GPR50: variants seen among roughly 807,000 people sequenced by gnomAD.
The protein encoded by GPR50 is G protein-coupled receptor 50.
GPR50 carries 1 observed loss-of-function variant against 2.6 expected under a neutral mutation model. The ratio of observed to expected loss-of-function variants is 0.38; its 90% CI spans 0.13 to 1.79. The LOEUF is 1.79. GPR50 is among the 40% of genes most tolerant of loss of function. The pLI is 0.33. For synonymous variants in GPR50, 233 were observed against 202.3 expected, an observed-to-expected ratio of 1.15 and a Z score of -1.29; for missense variants, 535 against 522.1, an observed-to-expected ratio of 1.02 and a Z score of -0.24.
In GPR50 at chrX:151,178,482, T is replaced by C. The variant is rs371271180; in HGVS notation, c.188-1289T>C. On this transcript the variant is annotated intron_variant, in intron 1 of 1. Coordinates refer to ENST00000218316, the MANE Select transcript of GPR50 (RefSeq NM_004224.3). ...TCTTTCTTTTTCTCCTTCTCCTTCC[T>C]TCCTTCTATAATTCAAATAAAGGCT... Among the ~76,000 whole-genome samples, 10 of 112,594 alleles carry C rather than the reference T, an allele frequency of 8.9e-5. No individual in the cohort carries two copies. The East Asian group carries it at 2.5e-3, about 28-fold the overall frequency.
Position 151,181,275 on chromosome X carries a change from C to A in GPR50, c.1692C>A (p.Ala564=), listed in dbSNP as rs1421435991. 8.3e-7 allele frequency: 1 copy of A among 1,209,377 alleles called. No homozygotes were observed. Among genetic ancestry groups the A allele is most frequent in the Non-Finnish European group, 1.1e-6 (1 of 894,927 alleles). The stretch of plus-strand genomic sequence containing the variant: ...ACGACAGTGACCTCCCTGAGTCGGC[C>A]TCTAGCCCTGCCGCTGGGCCCACCA... ...VSDDSDLPES[A]SSPAAGPTKP... is the part of the protein sequence containing the mutation. Residue 564 remains alanine (A), a synonymous_variant, in exon 2 of 2, where the codon GCC becomes GCA. Transcript: ENST00000218316.
rs769016022 is a variant in GPR50 at position 151,179,861 on chromosome X, G to C, written c.278G>C (p.Gly93Ala). The change falls in exon 2 of 2, where the codon GGC (glycine) becomes GCC (alanine). Residue 93 changes from glycine (G) to alanine (A), a missense_variant. Transcript: ENST00000218316. ...ATGCTGCATGCCATGTCCATTGGGG[G>C]CTGGGATCTGAGCCAGTTACAGTGC... ...PLMLHAMSIG[G>A]WDLSQLQCQM... is the part of the protein sequence containing the mutation. 2.5e-6 allele frequency: 3 copies of C among 1,207,812 alleles called. No homozygotes were observed. The highest frequency in any genetic ancestry group is 3.4e-6 in the Non-Finnish European group (3 of 893,787).
rs760473598 is a variant in GPR50 at position 151,176,923 on chromosome X, C to A, written c.187+15C>A. ...CCGGAATTCTGGTAAGCCACCCCTT[C>A]TTCTCCCTACCCAGTGTGCAGAGAC... On this transcript the variant is annotated intron_variant, in intron 1 of 1. Transcript: ENST00000218316. 13 of 1,152,493 alleles carry A rather than the reference C, an allele frequency of 1.1e-5. No individual in the cohort carries two copies. The East Asian group carries it at 1.5e-4, about 13-fold the overall frequency. The allele number at this position is 1,152,493 out of a possible 1,213,427, so 95.0% of individuals were successfully genotyped here. A position where few individuals can be genotyped will look rare whatever the true frequency, so the allele number is the denominator to read the frequency against.
Position 151,179,793 on chromosome X carries a change from C to G in GPR50, c.210C>G (p.Leu70=). The G allele has an allele frequency of 2.5e-6, 3 of 1,186,674 alleles. No homozygotes were observed. The highest frequency in any genetic ancestry group is 3.4e-6 in the Non-Finnish European group (3 of 879,441). ...CAGGCAACATCTTCGTGGTCAGTCTCTCTGTGGCCGATATGCTGGTGGCCA... is the reference window on the plus strand; with the variant it reads ...CAGGCAACATCTTCGTGGTCAGTCTGTCTGTGGCCGATATGCTGGTGGCCA... ...RNSGNIFVVS[L]SVADMLVAIY... The change falls in exon 2 of 2, where the codon CTC becomes CTG. Residue 70 remains leucine (L), a synonymous_variant. Coordinates refer to ENST00000218316, the MANE Select transcript of GPR50 (RefSeq NM_004224.3).
At chrX:151,177,059 A>G in intron 1 of GPR50, 151 bp downstream of exon 1, 1 of 450,432 alleles carries the variant, frequency 2.2e-6, no homozygotes, top group South Asian at 3.9e-5. Flanking sequence ...TGGGGGTGGT[A>G]GTATTCTGTC....
rs894548164 is a variant in GPR50, at chrX:151,176,829, T to G, written c.108T>G (p.Val36=). The G allele has an allele frequency of 4.2e-6, 5 of 1,199,997 alleles. No individual in the cohort carries two copies. Among genetic ancestry groups the G allele is most frequent in the Non-Finnish European group, 5.6e-6 (5 of 885,049 alleles). Residue 36 remains valine, a synonymous_variant, in exon 1 of 2, where the codon GTT becomes GTG. Coordinates refer to ENST00000218316, the MANE Select transcript of GPR50 (RefSeq NM_004224.3). Reference sequence around the variant, plus strand: ...TCATCTTTATGTTCTGCGCGATGGTTATCACCATCGTTGTAGACCTAATCG... The same window carrying G: ...TCATCTTTATGTTCTGCGCGATGGTGATCACCATCGTTGTAGACCTAATCG... ...ALIIFMFCAM[V]ITIVVDLIGN...
downstream of GPR50, among the ~76,000 whole-genome samples, chrX:151,182,188 A>G (rs2048718753): frequency 8.9e-6 from 1 of 112,122 alleles, no homozygotes. Flanking sequence ...TGCAAATGAT[A>G]AGACGTTTTT....
Position 151,176,790 on chromosome X carries a change from C to T in GPR50, c.69C>T (p.Tyr23=), listed in dbSNP as rs2124114611. The T allele has an allele frequency of 8.3e-7, 1 of 1,202,883 alleles. No individual in the cohort carries two copies. Among genetic ancestry groups the T allele is most frequent in the Non-Finnish European group, 1.1e-6 (1 of 888,361 alleles). Residue 23 remains tyrosine (Y), a synonymous_variant, in exon 1 of 2, where the codon TAC becomes TAT. Coordinates refer to ENST00000218316, the MANE Select transcript of GPR50 (RefSeq NM_004224.3). ...CIGCKLPQPE[Y]PPALIIFMFC... ...GCTGTAAGCTACCCCAGCCAGAATACCCACCGGCTCTAATCATCTTTATGT... is the reference window on the plus strand; with the variant it reads ...GCTGTAAGCTACCCCAGCCAGAATATCCACCGGCTCTAATCATCTTTATGT...
rs376836037 is a variant in GPR50, at chrX:151,180,520, C to A, written c.937C>A (p.Arg313=). 5 of 1,209,061 alleles carry A rather than the reference C, an allele frequency of 4.1e-6. No homozygotes were observed. The South Asian group carries it at 7.1e-5, about 17-fold the overall frequency. Residue 313 remains arginine (R), a synonymous_variant, in exon 2 of 2, where the codon CGG becomes AGG. Transcript: ENST00000218316. The part of the protein sequence containing the change: ...REYWTIFHAM[R]HPIIFFSGLI... Reference sequence around the variant, plus strand: ...ATACTGGACCATCTTCCATGCTATGCGGCACCCTATCATATTCTTCTCTGG... The same window carrying A: ...ATACTGGACCATCTTCCATGCTATGAGGCACCCTATCATATTCTTCTCTGG...
rs750977314 is a variant in GPR50 at position 151,181,432 on chromosome X, G to A, written c.1849G>A (p.Val617Met). The A allele has an allele frequency of 1.7e-6, 2 of 1,172,122 alleles. No individual in the cohort carries two copies. The highest frequency in any genetic ancestry group is 1.1e-6 in the Non-Finnish European group (1 of 873,889). The change falls in exon 2 of 2, where the codon GTG (valine) becomes ATG (methionine). Residue 617 changes from valine (V) to methionine (M), a missense_variant. Transcript: ENST00000218316. ...TGAAGATGATCCTGATGAAATGGCTGTGTGAAAAATGCTCTCGTAGGTGGC... is the reference window on the plus strand; with the variant it reads ...TGAAGATGATCCTGATGAAATGGCTATGTGAAAAATGCTCTCGTAGGTGGC... ...DVEDDPDEMA[V>M]
In GPR50 at chrX:151,180,304, G is replaced by C; in HGVS notation, c.721G>C (p.Val241Leu). The C allele has an allele frequency of 8.3e-7, 1 of 1,210,165 alleles. No individual in the cohort carries two copies. Among genetic ancestry groups the C allele is most frequent in the Non-Finnish European group, 1.1e-6 (1 of 895,221 alleles). The part of the protein sequence containing the change: ...AEVRNFLTMF[V>L]IFLLFAVCWC... ...GGTTCGCAATTTTCTAACCATGTTTGTGATCTTCCTCCTCTTTGCAGTGTG... is the reference window on the plus strand; with the variant it reads ...GGTTCGCAATTTTCTAACCATGTTTCTGATCTTCCTCCTCTTTGCAGTGTG... The change falls in exon 2 of 2, where the codon GTG becomes CTG. Residue 241 changes from valine (V) to leucine (L), a missense_variant. Val to Leu is a conservative substitution (Grantham distance 32). Transcript: ENST00000218316.
chrX:151,177,202 G>A (rs2048684733), intron 1 of GPR50, among the ~76,000 whole-genome samples: 1 of 112,779 alleles, frequency 8.9e-6, no homozygotes, highest in Non-Finnish European at 1.9e-5. Flanking sequence ...TGATGCGGAG[G>A]GAGCCGGCAC....
chrX:151,176,620 A>G lies in GPR50; in HGVS notation c.-102A>G. The G allele has an allele frequency of 5.8e-6, 3 of 518,637 alleles. No individual in the cohort carries two copies. Among genetic ancestry groups the G allele is most frequent in the Non-Finnish European group, 9.6e-6 (3 of 312,997 alleles). The allele number at this position is 518,637 out of a possible 1,213,427, so 42.7% of individuals were successfully genotyped here. ...CTCTCTGACTCTCAGAGAGGGAGGC[A>G]CGCTTTCCTGGAGCTCCTGGTGACA... On this transcript the variant is annotated 5_prime_UTR_variant, in exon 1 of 2. Transcript: ENST00000218316.
chrX:151,180,909 C>T lies in GPR50; in HGVS notation c.1326C>T (p.Ala442=), dbSNP rs2048709889. The T allele has an allele frequency of 8.3e-7, 1 of 1,211,114 alleles. No individual in the cohort carries two copies. Among genetic ancestry groups the T allele is most frequent in the Non-Finnish European group, 1.1e-6 (1 of 895,351 alleles). The change falls in exon 2 of 2, where the codon GCC becomes GCT. Residue 442 remains alanine (A), a synonymous_variant. Coordinates refer to ENST00000218316, the MANE Select transcript of GPR50 (RefSeq NM_004224.3). ...CTGCCACTGTCTACCCTAAGCCTGC[C>T]TCTGTCCATTTCAAGGCTGACTCTG... ...PKSATVYPKP[A]SVHFKADSVH... is the part of the protein sequence containing the mutation.
At position 151,176,904 on chromosome X, in the gene GPR50, T is replaced by C. The variant is rs1296309159; in HGVS notation, c.183T>C (p.Asn61=). 1 of 1,195,397 alleles carries C rather than the reference T, an allele frequency of 8.4e-7. No homozygotes were observed. Among genetic ancestry groups the C allele is most frequent in the East Asian group, 3.0e-5 (1 of 33,554 alleles). The change falls in exon 1 of 2, where the codon AAT becomes AAC. Residue 61 remains asparagine (N), a synonymous_variant. Transcript: ENST00000218316. ...LAVTKNKKLR[N]SGNIFVVSLS... is the part of the protein sequence containing the mutation. ...TGACGAAGAACAAGAAGCTCCGGAATTCTGGTAAGCCACCCCTTCTTCTCC... is the reference window on the plus strand; with the variant it reads ...TGACGAAGAACAAGAAGCTCCGGAACTCTGGTAAGCCACCCCTTCTTCTCC...
At position 151,181,264 on chromosome X, in the gene GPR50, C is replaced by A. The variant is rs2048713277; in HGVS notation, c.1681C>A (p.Pro561Thr). The change falls in exon 2 of 2, where the codon CCT becomes ACT. Residue 561 changes from proline (P) to threonine (T), a missense_variant. Transcript: ENST00000218316. Reference sequence around the variant, plus strand: ...CCCTGTGTCTGACGACAGTGACCTCCCTGAGTCGGCCTCTAGCCCTGCCGC... The same window carrying A: ...CCCTGTGTCTGACGACAGTGACCTCACTGAGTCGGCCTCTAGCCCTGCCGC... ...AHPVSDDSDL[P>T]ESASSPAAGP... 2 of 1,210,908 alleles carry A rather than the reference C, an allele frequency of 1.7e-6. No individual in the cohort carries two copies. The highest frequency in any genetic ancestry group is 4.3e-5 in the Admixed American group (2 of 46,058).
chrX:151,180,465 C>T lies in GPR50; in HGVS notation c.882C>T (p.Tyr294=), dbSNP rs758407918. The T allele has an allele frequency of 2.8e-5, 34 of 1,208,672 alleles. No homozygotes were observed. Among genetic ancestry groups the T allele is most frequent in the Middle Eastern group, 2.3e-4 (1 of 4,352 alleles). ...YFNSCLNAVI[Y]GLLNENFRRE... The stretch of plus-strand genomic sequence containing the variant: ...ACAGCTGCCTCAACGCTGTGATCTA[C>T]GGGCTCCTCAATGAGAATTTCCGAA... The change falls in exon 2 of 2, where the codon TAC becomes TAT. Residue 294 remains tyrosine, a synonymous_variant. Coordinates refer to ENST00000218316, the MANE Select transcript of GPR50 (RefSeq NM_004224.3).
intron 1 of GPR50, among the ~76,000 whole-genome samples, 175 bp downstream of exon 1, chrX:151,177,083 C>A (rs757430352): frequency 6.7e-4 from 75 of 112,355 alleles, no homozygotes; most frequent in African/African-American, 2.2e-3. Flanking sequence ...GCCCTCTAAA[C>A]GTGGAGGTTC....
In GPR50 at chrX:151,180,634, C is replaced by T. The variant is rs374706343; in HGVS notation, c.1051C>T (p.Arg351Cys). ...HARDQAREQD[R>C]AHACPAVEET... Reference sequence around the variant, plus strand: ...TCGCGACCAAGCTCGTGAACAAGACCGTGCCCATGCCTGTCCTGCTGTGGA... The same window carrying T: ...TCGCGACCAAGCTCGTGAACAAGACTGTGCCCATGCCTGTCCTGCTGTGGA... The change falls in exon 2 of 2, where the codon CGT becomes TGT. Residue 351 changes from arginine (R) to cysteine (C), a missense_variant. Transcript: ENST00000218316. The T allele has an allele frequency of 7.2e-5, 87 of 1,208,976 alleles. No individual in the cohort carries two copies. The African/African-American group carries it at 1.2e-3, about 16-fold the overall frequency.
Sources: gnomAD v4.1 joint callset for allele counts (sites outside exome capture counted in the v4.1 genomes callset) on GRCh38, gnomAD v4.1.1 for gene constraint, MANE v1.5 for transcripts, NCBI Gene and HGNC (gene_info 2026-07-23, HGNC 2026-07-21) for gene names.